The following ZNF559 variants were observed in gnomAD, a reference collection of about 807,000 sequenced individuals.
The protein encoded by ZNF559 is zinc finger protein 559, also known as putative protein product of Nbla00121.
A neutral mutation model predicts 14.2 loss-of-function variants in ZNF559; 17 were observed. That is an observed-to-expected ratio of 1.20 (90% CI 0.82 to 1.80). ZNF559 has a LOEUF of 1.80. Ranked by LOEUF, ZNF559 falls within the 40% of genes most tolerant of loss-of-function variation. The pLI is 0.00. For missense variants in ZNF559, 740 were observed against 629.7 expected, an observed-to-expected ratio of 1.18 and a Z score of -1.88; for synonymous variants, 244 against 212.4, an observed-to-expected ratio of 1.15 and a Z score of -1.29.
At position 9,343,261 on chromosome 19, in the gene ZNF559, C is replaced by T. The variant is rs549434515; in HGVS notation, c.*193C>T. The T allele has an allele frequency of 3.5e-5, 49 of 1,402,312 alleles. No homozygotes were observed. Among genetic ancestry groups the T allele is most frequent in the Non-Finnish European group, 4.4e-5 (47 of 1,080,232 alleles). 86.9% of individuals were successfully genotyped at this position (1,402,312 alleles called of 1,614,324 possible). ...AAGGAATGTGGGAAAATCTTGGCTCCTTCCATAGGCCTTACTATTCATGTG... is the reference window on the plus strand; with the variant it reads ...AAGGAATGTGGGAAAATCTTGGCTCTTTCCATAGGCCTTACTATTCATGTG... On this transcript the variant is annotated 3_prime_UTR_variant, in exon 7 of 7. Coordinates refer to ENST00000603380, the MANE Select transcript of ZNF559 (RefSeq NM_032497.3).
rs140457866 is a variant in ZNF559 at position 9,339,206 on chromosome 19, T to C, written c.47T>C (p.Phe16Ser). ...LTNYSQDSVTFEDVAVDFTQE... is the reference protein window; with the variant it reads ...LTNYSQDSVTSEDVAVDFTQE... ...GTGATGGTTTAGGACTCAGTGACCT[T>C]TGAGGATGTGGCTGTGGACTTCACC... The change falls in exon 5 of 7, where the codon TTT becomes TCT. Residue 16 changes from phenylalanine to serine, a missense_variant. Physicochemically the swap from Phe to Ser is radical, Grantham distance 155. Coordinates refer to ENST00000603380, the MANE Select transcript of ZNF559 (RefSeq NM_032497.3). The C allele has an allele frequency of 5.9e-5, 95 of 1,613,706 alleles. No individual in the cohort carries two copies. Among genetic ancestry groups the C allele is most frequent in the Non-Finnish European group, 7.3e-5 (86 of 1,179,830 alleles).
intron 2 of ZNF559, among the ~76,000 whole-genome samples, chr19:9,327,465 T>TC (rs1400687774): frequency 5.3e-5 from 8 of 152,146 alleles, no homozygotes. Flanking sequence ...GTCAGGCTGG[T>TC]CTCGAACTCT....
intron 2 of ZNF559, among the ~76,000 whole-genome samples, chr19:9,333,865 T>C (rs187404241): frequency 6.6e-6 from 1 of 152,260 alleles, no homozygotes; most frequent in Non-Finnish European, 1.5e-5. Flanking sequence ...TTCGCAAAAC[T>C]GACTGTACTA....
At chr19:9,330,386 A>C (rs1246356238) in intron 2 of ZNF559, among the ~76,000 whole-genome samples, 1 of 152,104 alleles carries the variant, frequency 6.6e-6, no homozygotes, top group Non-Finnish European at 1.5e-5. Context: ...ATTTATAGCT[A>C]TTCTTTATAT....
rs2067620528 is a variant in ZNF559, at chr19:9,342,306, T to C, written c.855T>C (p.Ala285=). Reference sequence around the variant, plus strand: ...CCTTTGCTTTTTCCCCAGATCTTGCTAAACATATAAGACTTAGAACTAGAG... The same window carrying C: ...CCTTTGCTTTTTCCCCAGATCTTGCCAAACATATAAGACTTAGAACTAGAG... ...GKAFAFSPDL[A]KHIRLRTRGK... The change falls in exon 7 of 7, where the codon GCT becomes GCC. Residue 285 remains alanine (A), a synonymous_variant. Coordinates refer to ENST00000603380, the MANE Select transcript of ZNF559 (RefSeq NM_032497.3). The C allele has an allele frequency of 1.9e-6, 3 of 1,592,684 alleles. No individual in the cohort carries two copies. The highest frequency in any genetic ancestry group is 2.6e-6 in the Non-Finnish European group (3 of 1,172,838).
chr19:9,325,452 A>G (rs543330538), intron 2 of ZNF559, among the ~76,000 whole-genome samples: 173 of 151,838 alleles, frequency 1.1e-3, no homozygotes, highest in African/African-American at 4.0e-3. Flanking sequence ...AAAAAGAAGA[A>G]AAAAAAACAA....
At chr19:9,335,770 A>T (rs1276924333) in intron 2 of ZNF559, among the ~76,000 whole-genome samples, 1 of 152,210 alleles carries the variant, frequency 6.6e-6, no homozygotes, top group Non-Finnish European at 1.5e-5. Flanking sequence ...TGTGAGCTCA[A>T]GTGATCTGCC....
At chr19:9,324,327 T>C (rs937332780) in intron 1 of ZNF559, 99 bp downstream of exon 1, 1 of 1,528,844 alleles carries the variant, frequency 6.5e-7, no homozygotes, top group Admixed American at 2.0e-5. Flanking sequence ...ATGGAGCCTG[T>C]CCCGTGCACT....
At chr19:9,341,667 A>G (rs1178717147) in intron 6 of ZNF559, 28 bp from the exon 7 acceptor site, 9 of 1,602,210 alleles carry the variant, frequency 5.6e-6, no homozygotes, top group Middle Eastern at 1.7e-4. Context: ...GAAAACTTCT[A>G]TGAACCATCA....
Position 9,325,940 on chromosome 19 carries a change from A to G in ZNF559, c.-120+1160A>G, listed in dbSNP as rs576665607. ...GCGTGTATCTCAAATACCTCCTGAA[A>G]GTGAAGACAAGCTTAAAACAAGACT... On this transcript the variant is annotated intron_variant, in intron 2 of 6. Coordinates refer to ENST00000603380, the MANE Select transcript of ZNF559 (RefSeq NM_032497.3). Among the ~76,000 whole-genome samples the G allele has an allele frequency of 2.0e-5, 3 of 152,240 alleles. No individual in the cohort carries two copies. In the South Asian group the frequency reaches 6.2e-4, roughly 32 times the overall value.
chr19:9,325,423 CAG>C (rs946340808), intron 2 of ZNF559, among the ~76,000 whole-genome samples: 22 of 151,246 alleles, frequency 1.5e-4, no homozygotes, highest in African/African-American at 5.1e-4. Context: ...GCTTAGGCAA[CAG>C]AGTGAGACCC....
Position 9,344,712 on chromosome 19 carries a change from A to G in ZNF559, c.*1644A>G, listed in dbSNP as rs1021427467. 2 of 152,248 alleles carry G rather than the reference A, an allele frequency of 1.3e-5. No individual in the cohort carries two copies. The highest frequency in any genetic ancestry group is 3.4e-3 in the Middle Eastern group (1 of 294). The allele number at this position is 152,248 out of a possible 1,614,324, so 9.4% of individuals were successfully genotyped here. On this transcript the variant is annotated 3_prime_UTR_variant, in exon 7 of 7. Coordinates refer to ENST00000603380, the MANE Select transcript of ZNF559 (RefSeq NM_032497.3). ...ATAAATTATTTAAGTTTGCCTTTCT[A>G]TATGTCTTTAAAGACTAATGATATT...
chr19:9,343,888 C>T lies in ZNF559; in HGVS notation c.*820C>T. On this transcript the variant is annotated 3_prime_UTR_variant, in exon 7 of 7. Transcript: ENST00000603380. ...ATTGTTCACGGTTACAGATGGAACT[C>T]TTTATTATTGAGGAGTTCCACTCTT... The T allele has an allele frequency of 3.5e-6, 3 of 851,654 alleles. No homozygotes were observed. Among genetic ancestry groups the T allele is most frequent in the Non-Finnish European group, 4.2e-6 (3 of 708,308 alleles). 52.8% of individuals were successfully genotyped at this position (851,654 alleles called of 1,614,324 possible).
intron 2 of ZNF559, among the ~76,000 whole-genome samples, chr19:9,335,796 G>T (rs2067205224): frequency 6.6e-6 from 1 of 152,170 alleles, no homozygotes; most frequent in South Asian, 2.1e-4. Flanking sequence ...TGGCCTCCCA[G>T]AGTGCTGGGA....
chr19:9,332,576 A>G (rs1015120515), intron 2 of ZNF559, among the ~76,000 whole-genome samples: 2 of 152,050 alleles, frequency 1.3e-5, no homozygotes, highest in African/African-American at 4.8e-5. Context: ...CCAGCCTTTG[A>G]TATACTATGG....
intron 2 of ZNF559, among the ~76,000 whole-genome samples, chr19:9,336,395 C>T (rs1176100413): frequency 6.6e-6 from 1 of 151,934 alleles, no homozygotes; most frequent in Non-Finnish European, 1.5e-5. Flanking sequence ...AGTTCGAGAC[C>T]AGCCTGACCA....
Position 9,341,987 on chromosome 19 carries a change from ACACT to A in ZNF559, c.539_542del (p.Thr180LysfsTer24). The stretch of plus-strand genomic sequence containing the variant: ...CTACATCTTGTTTGCAAGAAAACTC[ACACT>A]CAAGAGAAACCATATAAATGCAGTG... On this transcript the variant is annotated frameshift_variant, in exon 7 of 7. Coordinates refer to ENST00000603380, the MANE Select transcript of ZNF559 (RefSeq NM_032497.3). LOFTEE classifies it low-confidence loss of function (END_TRUNC). 6.2e-7 allele frequency: 1 copy of A among 1,613,516 alleles called. No individual in the cohort carries two copies.
chr19:9,340,567 TAAA>T (rs34086147), intron 5 of ZNF559, among the ~76,000 whole-genome samples: 22 of 75,786 alleles, frequency 2.9e-4, no homozygotes, highest in African/African-American at 1.2e-3. Context: ...TCTCTGTCTC[TAAA>T]AAAAAAAAAA....
At chr19:9,331,929 A>C (rs1220729479) in intron 2 of ZNF559, among the ~76,000 whole-genome samples, 2 of 152,184 alleles carry the variant, frequency 1.3e-5, no homozygotes, top group Non-Finnish European at 2.9e-5. Flanking sequence ...TTATTAACTG[A>C]GTTATTTTTG....
Sources: gnomAD v4.1 joint callset for allele counts (sites outside exome capture counted in the v4.1 genomes callset) on GRCh38, gnomAD v4.1.1 for gene constraint, MANE v1.5 for transcripts, NCBI Gene and HGNC (gene_info 2026-07-23, HGNC 2026-07-21) for gene names.